The following GPR158 variants were observed in gnomAD, a reference collection of about 807,000 sequenced individuals.
The protein encoded by GPR158 is metabotropic glycine receptor.
Under a neutral mutation model 78.2 loss-of-function variants are expected in GPR158, and 30 were observed. The observed-to-expected ratio is 0.38, with a 90% CI of 0.29 to 0.52. The LOEUF is 0.52. GPR158 is among the 20% of genes least tolerant of loss of function. The pLI is 0.83. For synonymous variants in GPR158, 581 were observed against 591.1 expected (o/e 0.98, Z 0.25); for missense variants, 1,463 against 1,523.5 (o/e 0.96, Z 0.66).
chr10:25,435,625 G>C (rs1834988359), intron 4 of GPR158, among the ~76,000 whole-genome samples: 1 of 152,156 alleles, frequency 6.6e-6, no homozygotes, highest in African/African-American at 2.4e-5. Flanking sequence ...TACAGGACAT[G>C]GTCAAGTTTT....
chr10:25,407,769 C>T (rs974580068), intron 3 of GPR158, among the ~76,000 whole-genome samples: 1 of 152,154 alleles, frequency 6.6e-6, no homozygotes, highest in African/African-American at 2.4e-5. Context: ...ATACTGTGGT[C>T]CCAGCCACTA....
chr10:25,454,809 C>T lies in GPR158; in HGVS notation c.1336-11842C>T, dbSNP rs1835269039. ...CCTCCTTCTCCTTATAAGATTTGGA[C>T]TGTTTAACTTATTCTCTAAATCATA... On this transcript the variant is annotated intron_variant, in intron 4 of 10. Transcript: ENST00000376351. Among the ~76,000 whole-genome samples, 5 of 152,140 alleles carry T rather than the reference C, an allele frequency of 3.3e-5. No individual in the cohort carries two copies. In the South Asian group the frequency reaches 1.0e-3, roughly 31 times the overall value.
intron 4 of GPR158, among the ~76,000 whole-genome samples, chr10:25,431,148 A>G (rs1385224953): frequency 1.1e-5 from 1 of 88,980 alleles, no homozygotes; most frequent in Non-Finnish European, 2.9e-5. Context: ...TCTACAATGA[A>G]CTCAAACAAA....
At chr10:25,290,990 AT>A (rs1426686839) in intron 2 of GPR158, among the ~76,000 whole-genome samples, 1 of 152,106 alleles carries the variant, frequency 6.6e-6, no homozygotes, top group African/African-American at 2.4e-5. Context: ...AAAGTAAAAA[AT>A]AATACAATCT....
chr10:25,473,687 G>A (rs114921220), intron 5 of GPR158, among the ~76,000 whole-genome samples: 1 of 152,060 alleles, frequency 6.6e-6, no homozygotes, highest in African/African-American at 2.4e-5. Flanking sequence ...TCTCAGTAGA[G>A]TGTATGTGTC....
intron 6 of GPR158, among the ~76,000 whole-genome samples, chr10:25,572,030 A>AAAAAC (rs1292029326): frequency 1.3e-5 from 2 of 152,202 alleles, no homozygotes; most frequent in Non-Finnish European, 1.5e-5. Flanking sequence ...ATTCTACTAT[A>AAAAAC]AAAACAACTG....
At position 25,466,656 on chromosome 10, in the gene GPR158, C is replaced by T; in HGVS notation, c.1341C>T (p.Ile447=). ...TTTTTATTTTGTTTTTTCAGAGCAT[C>T]CGGGCATCGGGCCTTATCCTGTTGG... ...VVYHFRKAKS[I]RASGLILLET... is the part of the protein sequence containing the mutation. Residue 447 remains isoleucine, a synonymous_variant, in exon 5 of 11, where the codon ATC becomes ATT. Transcript: ENST00000376351. 6.2e-7 allele frequency: 1 copy of T among 1,601,368 alleles called. No homozygotes were observed. The highest frequency in any genetic ancestry group is 8.5e-7 in the Non-Finnish European group (1 of 1,171,768).
At chr10:25,205,274 C>CT (rs59202198) in intron 1 of GPR158, among the ~76,000 whole-genome samples, 297 of 128,324 alleles carry the variant, frequency 2.3e-3, no homozygotes, top group Middle Eastern at 4.6e-3. Context: ...TGGATCTTCT[C>CT]TTTTTTTTTT....
intron 2 of GPR158, among the ~76,000 whole-genome samples, chr10:25,227,006 AT>A (rs748990725): frequency 6.6e-6 from 1 of 152,036 alleles, no homozygotes; most frequent in Non-Finnish European, 1.5e-5. Flanking sequence ...ATGGATGCTT[AT>A]TTGTTTTTGG....
At chr10:25,317,856 G>A (rs1017694796) in intron 2 of GPR158, among the ~76,000 whole-genome samples, 7 of 151,920 alleles carry the variant, frequency 4.6e-5, no homozygotes, top group African/African-American at 1.7e-4. Flanking sequence ...AGCCTCCCCA[G>A]TAGCTGGGAT....
chr10:25,234,882 A>G (rs1197240620), intron 2 of GPR158, among the ~76,000 whole-genome samples: 1 of 152,220 alleles, frequency 6.6e-6, no homozygotes, highest in East Asian at 1.9e-4. Context: ...ATTTTTTTGT[A>G]TATAGCATCA....
At chr10:25,202,361 G>A (rs1277531973) in intron 1 of GPR158, among the ~76,000 whole-genome samples, 5 of 151,704 alleles carry the variant, frequency 3.3e-5, no homozygotes, top group African/African-American at 4.8e-5. Context: ...CCATTAACTC[G>A]TCATTTACAT....
At chr10:25,484,487 G>T (rs184043673) in intron 5 of GPR158, among the ~76,000 whole-genome samples, 114 of 152,280 alleles carry the variant, frequency 7.5e-4, no homozygotes, top group African/African-American at 2.7e-3. Flanking sequence ...GACACAATTT[G>T]GCAGTAGACT....
intron 1 of GPR158, among the ~76,000 whole-genome samples, chr10:25,202,664 T>TTTGGA (rs1203836166): frequency 6.6e-6 from 1 of 152,202 alleles, no homozygotes; most frequent in East Asian, 1.9e-4. Flanking sequence ...TTGTTGGACA[T>TTTGGA]TTGGATTGGT....
intron 3 of GPR158, among the ~76,000 whole-genome samples, chr10:25,398,070 TA>T (rs1834390599): frequency 6.6e-6 from 1 of 152,080 alleles, no homozygotes; most frequent in Non-Finnish European, 1.5e-5. Context: ...TGCAGGGAAG[TA>T]AATTCTTCCA....
intron 5 of GPR158, among the ~76,000 whole-genome samples, chr10:25,537,400 C>G (rs1023929371): frequency 5.3e-5 from 8 of 152,052 alleles, no homozygotes; most frequent in African/African-American, 1.7e-4. Flanking sequence ...TACTAAGCAC[C>G]TGTAACAGAT....
chr10:25,309,179 A>G (rs1014731635), intron 2 of GPR158, among the ~76,000 whole-genome samples: 4 of 151,864 alleles, frequency 2.6e-5, no homozygotes, highest in African/African-American at 9.7e-5. Context: ...CCAATGGTGC[A>G]TAAGAGTTTC....
At chr10:25,498,426 C>T (rs1441295198) in intron 5 of GPR158, among the ~76,000 whole-genome samples, 1 of 152,128 alleles carries the variant, frequency 6.6e-6, no homozygotes, top group Admixed American at 6.5e-5. Context: ...GCATCTAAGA[C>T]CTTTACAAAT....
chr10:25,408,988 T>C (rs983034979), intron 3 of GPR158, among the ~76,000 whole-genome samples: 1 of 152,166 alleles, frequency 6.6e-6, no homozygotes, highest in African/African-American at 2.4e-5. Context: ...TGGAAACCCT[T>C]TATTAATGAG....
Sources: gnomAD v4.1 joint callset for allele counts (sites outside exome capture counted in the v4.1 genomes callset) on GRCh38, gnomAD v4.1.1 for gene constraint, MANE v1.5 for transcripts, NCBI Gene and HGNC (gene_info 2026-07-23, HGNC 2026-07-21) for gene names.